PCNX1: variants seen among roughly 807,000 people sequenced by gnomAD.
The protein encoded by PCNX1 is pecanex 1.
A neutral mutation model predicts 242.2 loss-of-function variants in PCNX1; 78 were observed. That is an observed-to-expected ratio of 0.32 (90% confidence interval 0.27 to 0.39). The LOEUF is 0.39. Ranked by LOEUF, PCNX1 falls within the 10% of genes least tolerant of loss-of-function variation. PCNX1 has a pLI of 1.00. For missense variants in PCNX1, 2,581 were observed against 2,856.5 expected, an observed-to-expected ratio of 0.90 and a Z score of 2.20; for synonymous variants, 1,024 against 1,032.9, an observed-to-expected ratio of 0.99 and a Z score of 0.17.
chr14:70,926,231 A>G (rs2056586336), intron 1 of PCNX1, among the ~76,000 whole-genome samples: 2 of 152,334 alleles, frequency 1.3e-5, no homozygotes, highest in East Asian at 1.9e-4. Flanking sequence ...TGTGGCACAC[A>G]TTATAAATGG....
chr14:71,048,000 A>C lies in PCNX1; in HGVS notation c.4338+16A>C. 2.5e-6 allele frequency: 4 copies of C among 1,584,178 alleles called. No individual in the cohort carries two copies. The highest frequency in any genetic ancestry group is 3.5e-6 in the Non-Finnish European group (4 of 1,155,978). On this transcript the variant is annotated intron_variant, in intron 22 of 35. Transcript: ENST00000304743. ...CTTCAACAAGGTAATTTATCACTGAAAGGAATATCCTTATCTATAAAAACT... is the reference window on the plus strand; with the variant it reads ...CTTCAACAAGGTAATTTATCACTGACAGGAATATCCTTATCTATAAAAACT...
intron 1 of PCNX1, among the ~76,000 whole-genome samples, chr14:70,935,176 G>A (rs1279717858): frequency 6.6e-6 from 1 of 152,170 alleles, no homozygotes; most frequent in Non-Finnish European, 1.5e-5. Context: ...CGTTCATCAG[G>A]TACTGGTTTC....
intron 30 of PCNX1, 115 bp from the exon 31 acceptor site, chr14:71,101,873 AAC>A (rs200260376): frequency 5.6e-6 from 3 of 532,078 alleles, no homozygotes; most frequent in African/African-American, 4.1e-5. Flanking sequence ...TAATAATATT[AAC>A]ATGTGTTGAA....
At position 71,033,951 on chromosome 14, in the gene PCNX1, T is replaced by G. The variant is rs376796292; in HGVS notation, c.3689T>G (p.Ile1230Ser). 1 of 1,602,058 alleles carries G rather than the reference T, an allele frequency of 6.2e-7. No homozygotes were observed. Among genetic ancestry groups the G allele is most frequent in the Non-Finnish European group, 8.5e-7 (1 of 1,172,314 alleles). Residue 1230 changes from isoleucine to serine, a missense_variant, in exon 18 of 36, where the codon ATT (isoleucine) becomes AGT (serine). Physicochemically the swap from Ile to Ser is moderately radical, Grantham distance 142 (BLOSUM62 -2). Transcript: ENST00000304743. ...SVLFSLVQSKIFPKTEEKNPE... is the reference protein window; with the variant it reads ...SVLFSLVQSKSFPKTEEKNPE... ...TAAAGCTCTTTAGTGCAATCCAAGA[T>G]TTTTCCAAAAACGGAAGAGAAAAAT... is the stretch of plus-strand genomic sequence containing the variant.
At chr14:71,041,533 A>G (rs758964218) in intron 19 of PCNX1, among the ~76,000 whole-genome samples, 17 of 152,054 alleles carry the variant, frequency 1.1e-4, no homozygotes, top group Non-Finnish European at 2.2e-4. Context: ...TTTTTGCGCT[A>G]TTAATCGTAA....
At position 70,907,820 on chromosome 14, in the gene PCNX1, G is replaced by GCGGCGA; in HGVS notation, c.-26_-25insACGGCG. On this transcript the variant is annotated 5_prime_UTR_variant, in exon 1 of 36. Transcript: ENST00000304743. The stretch of plus-strand genomic sequence containing the variant: ...GGCCGGGGCGGGGACGGCGGCGGCG[G>GCGGCGA]CGGCGGCGACGGCGGCGGCGCCGGG... The GCGGCGA allele has an allele frequency of 8.0e-7, 1 of 1,245,082 alleles. No homozygotes were observed. 77.1% of individuals were successfully genotyped at this position (1,245,082 alleles called of 1,614,324 possible).
rs773001058 is a variant in PCNX1 at position 71,105,222 on chromosome 14, T to C, written c.6096-13T>C. 1 of 1,598,582 alleles carries C rather than the reference T, an allele frequency of 6.3e-7. No homozygotes were observed. Among genetic ancestry groups the C allele is most frequent in the South Asian group, 1.1e-5 (1 of 90,606 alleles). On this transcript the variant is annotated splice_polypyrimidine_tract_variant and intron_variant, in intron 32 of 35. Transcript: ENST00000304743. ...CTTGGAATAATGCTTCCTACTCTGGTATTTGTTCCTAGGCTTAGGAAAGGT... is the reference window on the plus strand; with the variant it reads ...CTTGGAATAATGCTTCCTACTCTGGCATTTGTTCCTAGGCTTAGGAAAGGT...
chr14:70,948,653 G>A (rs571310727), intron 2 of PCNX1, among the ~76,000 whole-genome samples: 47 of 140,160 alleles, frequency 3.4e-4, no homozygotes, highest in African/African-American at 1.1e-3. Flanking sequence ...ATATAGATGT[G>A]TATATATACA....
intron 6 of PCNX1, among the ~76,000 whole-genome samples, chr14:70,982,697 C>G (rs757626915): frequency 1.2e-4 from 19 of 152,120 alleles, no homozygotes; most frequent in Non-Finnish European, 2.1e-4. Flanking sequence ...ATTGGTGAAG[C>G]AAATAAATGT....
At chr14:70,914,162 G>A (rs1032748989) in intron 1 of PCNX1, among the ~76,000 whole-genome samples, 2 of 152,084 alleles carry the variant, frequency 1.3e-5, no homozygotes, top group Non-Finnish European at 2.9e-5. Context: ...TACAAAGAAG[G>A]GAACAATAAA....
intron 1 of PCNX1, among the ~76,000 whole-genome samples, chr14:70,946,064 A>C (rs761984172): frequency 2.6e-5 from 4 of 152,208 alleles, no homozygotes; most frequent in Non-Finnish European, 5.9e-5. Context: ...CCCATCACTG[A>C]ATCCTCCTGT....
chr14:70,949,399 GTGTGTACATA>G (rs1424944266), intron 2 of PCNX1, among the ~76,000 whole-genome samples: 5 of 149,654 alleles, frequency 3.3e-5, no homozygotes, highest in Non-Finnish European at 7.4e-5. Context: ...ATATGTGTGT[GTGTGTACATA>G]TATATGTACA....
chr14:71,076,494 TATG>T, intron 28 of PCNX1, 75 bp downstream of exon 28: 1 of 928,786 alleles, frequency 1.1e-6, no homozygotes, highest in Non-Finnish European at 1.7e-6. Context: ...TGTTAGTTCT[TATG>T]AGGTCAGTTT....
At chr14:70,914,135 A>T (rs1318678156) in intron 1 of PCNX1, among the ~76,000 whole-genome samples, 1 of 152,222 alleles carries the variant, frequency 6.6e-6, no homozygotes, top group East Asian at 1.9e-4. Flanking sequence ...GGAGTTAAAC[A>T]TTTGGATACC....
At chr14:70,923,303 C>T (rs539544806) in intron 1 of PCNX1, among the ~76,000 whole-genome samples, 4 of 152,132 alleles carry the variant, frequency 2.6e-5, no homozygotes, top group African/African-American at 9.6e-5. Context: ...TAAAATTCTG[C>T]TCTATCAAAG....
Position 71,052,028 on chromosome 14 carries a change from C to T in PCNX1, c.4577+16C>T. On this transcript the variant is annotated intron_variant, in intron 24 of 35. Coordinates refer to ENST00000304743, the MANE Select transcript of PCNX1 (RefSeq NM_014982.3). ...GAGACTATAAGTGAGTAAAGTAAAA[C>T]ACTTGAAAAACAATTTTTATCTTTC... The T allele has an allele frequency of 1.3e-6, 2 of 1,588,904 alleles. No individual in the cohort carries two copies. Among genetic ancestry groups the T allele is most frequent in the South Asian group, 1.1e-5 (1 of 87,212 alleles).
At chr14:71,030,845 C>A (rs781162648) in intron 16 of PCNX1, among the ~76,000 whole-genome samples, 2 of 152,142 alleles carry the variant, frequency 1.3e-5, no homozygotes, top group Non-Finnish European at 2.9e-5. Context: ...CCCTCATCAT[C>A]ATAAATGAGG....
chr14:70,988,998 T>C (rs1020416416), intron 7 of PCNX1, among the ~76,000 whole-genome samples: 6 of 151,940 alleles, frequency 3.9e-5, no homozygotes, highest in Non-Finnish European at 5.9e-5. Context: ...TTTTTTTTTT[T>C]CTCCCACTCC....
At chr14:71,104,238 T>C (rs1340628719) in intron 32 of PCNX1, among the ~76,000 whole-genome samples, 3 of 152,326 alleles carry the variant, frequency 2.0e-5, no homozygotes, top group Admixed American at 1.3e-4. Context: ...CATCATAGTT[T>C]GGATGATGAA....
Sources: gnomAD v4.1 joint callset for allele counts (sites outside exome capture counted in the v4.1 genomes callset) on GRCh38, gnomAD v4.1.1 for gene constraint, MANE v1.5 for transcripts, NCBI Gene and HGNC (gene_info 2026-07-23, HGNC 2026-07-21) for gene names.